The following KIAA1328 variants were observed in gnomAD, a reference collection of about 807,000 sequenced individuals.
The protein encoded by KIAA1328 is protein hinderin.
KIAA1328 carries 52 observed loss-of-function variants against 68.1 expected under a neutral mutation model. The ratio of observed to expected loss-of-function variants is 0.76; its 90% CI spans 0.61 to 0.96. The LOEUF (loss-of-function observed/expected upper bound fraction) is 0.96, where lower values mean the gene tolerates loss of function less well. KIAA1328 is among the 40% of genes least tolerant of loss of function. KIAA1328 has a pLI of 0.00. For synonymous variants in KIAA1328, 232 were observed against 239.4 expected, an observed-to-expected ratio of 0.97 and a Z score of 0.28; for missense variants, 641 against 677.6, an observed-to-expected ratio of 0.95 and a Z score of 0.60.
intron 6 of KIAA1328, among the ~76,000 whole-genome samples, chr18:36,973,405 A>G (rs1368404735): frequency 6.6e-6 from 1 of 152,050 alleles, no homozygotes; most frequent in Non-Finnish European, 1.5e-5. Flanking sequence ...GCACACAAAT[A>G]TGGCACATGT....
chr18:36,829,435 T>C (rs1362639984), intron 1 of KIAA1328: 3 of 1,309,502 alleles, frequency 2.3e-6, no homozygotes, highest in Non-Finnish European at 9.7e-7. Flanking sequence ...CAGCGCTCAC[T>C]ACCGGTGAGC....
intron 5 of KIAA1328, among the ~76,000 whole-genome samples, chr18:36,948,975 G>A (rs1227384393): frequency 6.6e-6 from 1 of 152,214 alleles, no homozygotes; most frequent in East Asian, 1.9e-4. Context: ...GGGGTCTGGA[G>A]AGCTTAGTGT....
chr18:36,996,457 T>C (rs1291651225), intron 6 of KIAA1328, among the ~76,000 whole-genome samples: 5 of 152,176 alleles, frequency 3.3e-5, no homozygotes, highest in Non-Finnish European at 2.9e-5. Flanking sequence ...TTTATGATTG[T>C]TTTGATTGAT....
chr18:37,122,457 C>A (rs1036411674), intron 7 of KIAA1328, among the ~76,000 whole-genome samples: 2 of 151,830 alleles, frequency 1.3e-5, no homozygotes, highest in African/African-American at 4.8e-5. Context: ...AAGTAAGTCA[C>A]AAAGATATTT....
intron 6 of KIAA1328, among the ~76,000 whole-genome samples, chr18:37,028,769 T>G (rs969169153): frequency 6.6e-6 from 1 of 152,194 alleles, no homozygotes; most frequent in Non-Finnish European, 1.5e-5. Context: ...CTGTGTCTAA[T>G]GAGGTGATCA....
At chr18:37,030,627 C>T (rs2054785128) in intron 6 of KIAA1328, among the ~76,000 whole-genome samples, 1 of 152,046 alleles carries the variant, frequency 6.6e-6, no homozygotes, top group Non-Finnish European at 1.5e-5. Context: ...ATATAATCAG[C>T]AATTATTGGA....
At chr18:37,164,588 T>C (rs1451662701) in intron 8 of KIAA1328, among the ~76,000 whole-genome samples, 1 of 151,840 alleles carries the variant, frequency 6.6e-6, no homozygotes, top group East Asian at 1.9e-4. Context: ...CTACTAAAAA[T>C]AGAAAGAGTT....
At chr18:36,854,649 T>A (rs1362927255) in intron 4 of KIAA1328, among the ~76,000 whole-genome samples, 1 of 152,168 alleles carries the variant, frequency 6.6e-6, no homozygotes, top group Non-Finnish European at 1.5e-5. Flanking sequence ...CTCCCCACCT[T>A]TTTTTAAATT....
intron 5 of KIAA1328, among the ~76,000 whole-genome samples, chr18:36,898,441 G>T (rs557013265): frequency 6.6e-6 from 1 of 151,896 alleles, no homozygotes; most frequent in Non-Finnish European, 1.5e-5. Flanking sequence ...TTCTGACAAG[G>T]CATAGAAGAG....
intron 4 of KIAA1328, among the ~76,000 whole-genome samples, chr18:36,859,588 T>TCACTCTCA (rs2047493013): frequency 7.3e-6 from 1 of 137,170 alleles, no homozygotes; most frequent in Non-Finnish European, 1.6e-5. Flanking sequence ...TCTCATTCTC[T>TCACTCTCA]CACTCTCACT....
chr18:36,993,850 G>A (rs1476524464), intron 6 of KIAA1328, among the ~76,000 whole-genome samples: 1 of 151,804 alleles, frequency 6.6e-6, no homozygotes, highest in African/African-American at 2.4e-5. Context: ...TCTCTATGGA[G>A]TAGTATTGGG....
intron 7 of KIAA1328, among the ~76,000 whole-genome samples, chr18:37,102,490 C>T (rs2057652148): frequency 6.6e-6 from 1 of 152,140 alleles, no homozygotes; most frequent in South Asian, 2.1e-4. Context: ...GACCATATGA[C>T]ATCTCAATAG....
chr18:37,006,826 A>G (rs2053802725), intron 6 of KIAA1328, among the ~76,000 whole-genome samples: 1 of 152,158 alleles, frequency 6.6e-6, no homozygotes, highest in Admixed American at 6.6e-5. Context: ...TTATTCTACA[A>G]TCAGGCACAT....
At chr18:37,126,900 T>C (rs1385876115) in intron 7 of KIAA1328, among the ~76,000 whole-genome samples, 1 of 152,090 alleles carries the variant, frequency 6.6e-6, no homozygotes, top group African/African-American at 2.4e-5. Flanking sequence ...ATAAAAAAAA[T>C]CTCTCAATAT....
chr18:37,040,391 A>G (rs1300677065), intron 6 of KIAA1328, among the ~76,000 whole-genome samples: 1 of 151,982 alleles, frequency 6.6e-6, no homozygotes, highest in Non-Finnish European at 1.5e-5. Flanking sequence ...ATTTCTTTCA[A>G]TTTCTATAAG....
intron 6 of KIAA1328, among the ~76,000 whole-genome samples, chr18:37,010,204 G>A (rs2053924696): frequency 2.6e-5 from 4 of 151,966 alleles, no homozygotes; most frequent in Admixed American, 2.6e-4. Flanking sequence ...CAGCACTTTG[G>A]GAGGCCGAGG....
intron 6 of KIAA1328, among the ~76,000 whole-genome samples, chr18:37,000,208 T>C (rs1269977183): frequency 1.3e-5 from 2 of 152,148 alleles, no homozygotes; most frequent in Admixed American, 1.3e-4. Context: ...GGAGTGGCTA[T>C]ACTTGTATCA....
rs1258194417 is a variant in KIAA1328 at position 36,921,570 on chromosome 18, A to AT, written c.448+35905dup. 7.9e-5 allele frequency among the ~76,000 whole-genome samples: 12 copies of AT among 151,570 alleles called. No individual in the cohort carries two copies. In the East Asian group the frequency reaches 2.4e-3, roughly 30 times the overall value. On this transcript the variant is annotated intron_variant, in intron 5 of 9. Transcript: ENST00000280020. The stretch of plus-strand genomic sequence containing the variant: ...AGGCGCCCACCACCACACCGAGCTA[A>AT]TTTTTTTGTATTTTTAGTAGAGACG...
chr18:37,172,925 A>G (rs772983956), intron 8 of KIAA1328, 48 bp from the exon 9 acceptor site: 2 of 1,422,994 alleles, frequency 1.4e-6, no homozygotes, highest in Non-Finnish European at 2.0e-6. Flanking sequence ...GAACTTTTCC[A>G]TTTTCTTTTA....
Sources: allele counts gnomAD v4.1 joint callset (sites outside exome capture counted in the v4.1 genomes callset), GRCh38; gene constraint gnomAD v4.1.1; transcripts MANE v1.5; gene names NCBI Gene and HGNC (gene_info 2026-07-23, HGNC 2026-07-21).